PTPN14: variants seen among roughly 807,000 people sequenced by gnomAD.
PTPN14 encodes protein tyrosine phosphatase non-receptor type 14.
A neutral mutation model predicts 126.8 loss-of-function variants in PTPN14; 53 were observed. The observed-to-expected ratio is 0.42, with a 90% CI of 0.34 to 0.53. The LOEUF (loss-of-function observed/expected upper bound fraction) is 0.53. PTPN14 is among the 20% of genes least tolerant of loss of function. PTPN14 has a pLI of 0.08. For synonymous variants in PTPN14, 630 were observed against 599.3 expected (o/e 1.05, Z -0.75); for missense variants, 1,257 against 1,552.9 (o/e 0.81, Z 3.20).
intron 3 of PTPN14, among the ~76,000 whole-genome samples, chr1:214,419,391 G>A (rs1208853308): frequency 2.6e-5 from 4 of 152,100 alleles, no homozygotes; most frequent in Non-Finnish European, 5.9e-5. Context: ...GGAGAGAGGG[G>A]CCATCCTTAA....
rs750538905 is a variant in PTPN14 at position 214,391,017 on chromosome 1, G to A, written c.958C>T (p.Arg320Cys). ...EQSNSPPPIR[R>C]QPTWSRSSLP... Reference sequence around the variant, plus strand: ...GAGGATCGGCTCCAGGTGGGCTGGCGTCTGATGGGGGGTGGAGAATTTGAC... The same window carrying A: ...GAGGATCGGCTCCAGGTGGGCTGGCATCTGATGGGGGGTGGAGAATTTGAC... The change falls in exon 11 of 19, where the codon CGC (arginine) becomes TGC (cysteine). Residue 320 changes from arginine (R) to cysteine (C), a missense_variant. Physicochemically the swap from Arg to Cys is radical, Grantham distance 180 (BLOSUM62 -3). Transcript: ENST00000366956. The A allele has an allele frequency of 1.2e-5, 19 of 1,586,886 alleles. No individual in the cohort carries two copies. The highest frequency in any genetic ancestry group is 5.1e-5 in the Admixed American group (3 of 59,310).
chr1:214,443,879 G>C (rs967845726), intron 3 of PTPN14, among the ~76,000 whole-genome samples: 3 of 152,134 alleles, frequency 2.0e-5, no homozygotes, highest in Non-Finnish European at 2.9e-5. Context: ...GAAGTAAATA[G>C]GGTCAGCAAT....
rs772399742 is a variant in PTPN14, at chr1:214,441,573, G to A, written c.344+10232C>T. Among the ~76,000 whole-genome samples, 20 of 152,234 alleles carry A rather than the reference G, an allele frequency of 1.3e-4. 1 individual carries two copies. The South Asian group carries it at 2.3e-3, about 17-fold the overall frequency. ...ATCTATTCTTTGCACCTCTTCCAAC[G>A]TCAAGATTTTTTTTAAAATCCATTT... is the stretch of plus-strand genomic sequence containing the variant. On this transcript the variant is annotated intron_variant, in intron 3 of 18. Coordinates refer to ENST00000366956, the MANE Select transcript of PTPN14 (RefSeq NM_005401.5).
chr1:214,382,801 C>T (rs1658504504), intron 13 of PTPN14, among the ~76,000 whole-genome samples: 1 of 152,204 alleles, frequency 6.6e-6, no homozygotes, highest in African/African-American at 2.4e-5. Context: ...TATCCAATTA[C>T]TATAATTTTC....
At chr1:214,399,296 C>T (rs936234933) in intron 7 of PTPN14, among the ~76,000 whole-genome samples, 1 of 152,316 alleles carries the variant, frequency 6.6e-6, no homozygotes, top group Middle Eastern at 3.4e-3. Flanking sequence ...CACCACACAT[C>T]CTAGTGGACT....
chr1:214,349,739 A>T lies in PTPN14; in HGVS notation c.*8183T>A, dbSNP rs548881528. On this transcript the variant is annotated 3_prime_UTR_variant, in exon 19 of 19. Transcript: ENST00000366956. ...AGAGTAGCTTTATGTCAGAAAGGAGAAGGCTAATGAATTTTTAAGATTCCA... is the reference window on the plus strand; with the variant it reads ...AGAGTAGCTTTATGTCAGAAAGGAGTAGGCTAATGAATTTTTAAGATTCCA... 6 of 152,334 alleles carry T rather than the reference A, an allele frequency of 3.9e-5. No homozygotes were observed. Among genetic ancestry groups the T allele is most frequent in the African/African-American group, 1.2e-4 (5 of 41,570 alleles). The allele number at this position is 152,334 out of a possible 1,614,324, so 9.4% of individuals were successfully genotyped here. A position where few individuals can be genotyped will look rare whatever the true frequency, so the allele number is the denominator to read the frequency against.
chr1:214,370,752 C>T (rs151203427), intron 16 of PTPN14, among the ~76,000 whole-genome samples: 141 of 152,126 alleles, frequency 9.3e-4, no homozygotes, highest in African/African-American at 3.2e-3. Flanking sequence ...GGAGAAGGGG[C>T]GGAGTGTGGA....
chr1:214,377,989 A>C lies in PTPN14; in HGVS notation c.2658T>G (p.Val886=). 3 of 1,613,366 alleles carry C rather than the reference A, an allele frequency of 1.9e-6. No homozygotes were observed. The highest frequency in any genetic ancestry group is 2.5e-6 in the Non-Finnish European group (3 of 1,179,818). The part of the protein sequence containing the change: ...ARVSGREENR[V]DATRVPMDER... ...CGTCCATGGGAACCCGGGTGGCATC[A>C]ACTCGATTCTCTTCCCGCCCTGAGA... Residue 886 remains valine, a synonymous_variant, in exon 14 of 19, where the codon GTT becomes GTG. Transcript: ENST00000366956.
intron 3 of PTPN14, among the ~76,000 whole-genome samples, chr1:214,439,482 C>A (rs1014706506): frequency 6.6e-6 from 1 of 152,184 alleles, no homozygotes; most frequent in Non-Finnish European, 1.5e-5. Flanking sequence ...GTTAAACTTA[C>A]GTCAAAGTTG....
intron 2 of PTPN14, among the ~76,000 whole-genome samples, chr1:214,452,853 C>A (rs930296946): frequency 3.3e-5 from 5 of 152,126 alleles, no homozygotes; most frequent in Non-Finnish European, 7.4e-5. Context: ...TCAATTATAG[C>A]CTAGAATGGT....
chr1:214,364,363 A>G lies in PTPN14; in HGVS notation c.3435+149T>C, dbSNP rs1658024489. On this transcript the variant is annotated intron_variant, in intron 18 of 18. Transcript: ENST00000366956. The surrounding 1 kb of genome is among the most constrained non-coding windows in gnomAD (Gnocchi z 4.1). Reference sequence around the variant, plus strand: ...AGATAAGGAGGGCTGTAAATGTCAGAGTCAAACTAGGAACCAGGAGCCTGG... The same window carrying G: ...AGATAAGGAGGGCTGTAAATGTCAGGGTCAAACTAGGAACCAGGAGCCTGG... The G allele has an allele frequency of 1.0e-6, 1 of 993,206 alleles. No homozygotes were observed. 61.5% of individuals were successfully genotyped at this position (993,206 alleles called of 1,614,324 possible). A position where few individuals can be genotyped will look rare whatever the true frequency, so the allele number is the denominator to read the frequency against.
At chr1:214,505,356 AAGG>A (rs1475969668) in intron 1 of PTPN14, among the ~76,000 whole-genome samples, 1 of 152,142 alleles carries the variant, frequency 6.6e-6, no homozygotes, top group South Asian at 2.1e-4. Flanking sequence ...GTAACGCTTC[AAGG>A]AGAAGGATCT....
In PTPN14 at chr1:214,383,780, T is replaced by C. The variant is rs143056223; in HGVS notation, c.2075A>G (p.Tyr692Cys). ...ATCAGAGAAGGTCTTCTTGTGGTGATACTGAGGGAGCTGGGGGACCTCGTG... is the reference window on the plus strand; with the variant it reads ...ATCAGAGAAGGTCTTCTTGTGGTGACACTGAGGGAGCTGGGGGACCTCGTG... ...GSHEVPQLPQ[Y>C]HHKKTFSDAT... Residue 692 changes from tyrosine to cysteine, a missense_variant, in exon 13 of 19, where the codon TAT (tyrosine) becomes TGT (cysteine). Tyr to Cys is a radical substitution (Grantham distance 194). This residue lies in a region of PTPN14 where 1,021 missense variants were observed against 1,183.3 expected (regional missense o/e 0.86). Transcript: ENST00000366956. This position sits in a 1 kb window ranked among gnomAD's most constrained non-coding sequence, Gnocchi z 4.4. 3.1e-6 allele frequency: 5 copies of C among 1,613,078 alleles called. No homozygotes were observed. Among genetic ancestry groups the C allele is most frequent in the African/African-American group, 1.3e-5 (1 of 74,946 alleles).
At chr1:214,485,710 A>G (rs1661094573) in intron 1 of PTPN14, among the ~76,000 whole-genome samples, 1 of 151,910 alleles carries the variant, frequency 6.6e-6, no homozygotes, top group Non-Finnish European at 1.5e-5. Context: ...AGGGCTGAAG[A>G]CATCTAGTCT....
intron 1 of PTPN14, among the ~76,000 whole-genome samples, chr1:214,506,544 T>TA (rs1307687697): frequency 7.2e-6 from 1 of 139,532 alleles, no homozygotes; most frequent in Non-Finnish European, 1.5e-5. Context: ...TAAATAAATA[T>TA]AAAAACTATT....
At chr1:214,502,731 C>T (rs565262880) in intron 1 of PTPN14, among the ~76,000 whole-genome samples, 2 of 152,026 alleles carry the variant, frequency 1.3e-5, no homozygotes, top group African/African-American at 4.8e-5. Flanking sequence ...AAAATAAAGA[C>T]AGAGTGATTT....
chr1:214,387,655 C>T (rs1658653166), intron 11 of PTPN14, among the ~76,000 whole-genome samples: 1 of 139,834 alleles, frequency 7.2e-6, no homozygotes, highest in Non-Finnish European at 1.5e-5. Flanking sequence ...TCCAGCCTGG[C>T]GACAGAGCAA....
At chr1:214,537,936 T>G (rs915821221) in intron 1 of PTPN14, among the ~76,000 whole-genome samples, 4 of 152,212 alleles carry the variant, frequency 2.6e-5, no homozygotes, top group African/African-American at 9.6e-5. Context: ...ACACAAAATA[T>G]TATGTCAACA....
chr1:214,511,031 A>G (rs1456265992), intron 1 of PTPN14, among the ~76,000 whole-genome samples: 1 of 150,860 alleles, frequency 6.6e-6, no homozygotes, highest in Non-Finnish European at 1.5e-5. Flanking sequence ...CACACATGCC[A>G]CCAGGCCAAA....
Sources: allele counts gnomAD v4.1 joint callset (sites outside exome capture counted in the v4.1 genomes callset), GRCh38; gene constraint gnomAD v4.1.1; regional missense constraint gnomAD v4.1.1; non-coding constraint Gnocchi (gnomAD v3.1); transcripts MANE v1.5; gene names NCBI Gene and HGNC (gene_info 2026-07-23, HGNC 2026-07-21).